Variants in OTUD6B observed in about 807,000 individuals in gnomAD.
OTUD6B encodes the protein deubiquitinase OTUD6B.
In OTUD6B, 41 loss-of-function variants were observed where a neutral mutation model predicts 36.9. The observed-to-expected ratio is 1.11, with a 90% CI of 0.87 to 1.44. OTUD6B has a LOEUF of 1.44. Ranked by LOEUF, OTUD6B falls within the 40% of genes most tolerant of loss-of-function variation. The pLI, the probability that OTUD6B is intolerant of heterozygous loss-of-function variation, is 0.00. For missense variants in OTUD6B, 356 were observed against 344.8 expected (o/e 1.03, Z -0.26); for synonymous variants, 114 against 114.2 (o/e 1.00, Z 0.01).
At chr8:91,077,314 A>G (rs1269159410) in intron 3 of OTUD6B, among the ~76,000 whole-genome samples, 1 of 151,792 alleles carries the variant, frequency 6.6e-6, no homozygotes, top group Non-Finnish European at 1.5e-5. Flanking sequence ...CACTATAAAT[A>G]CTTTGTGTAT....
chr8:91,071,556 G>C (rs1446463199), intron 2 of OTUD6B, among the ~76,000 whole-genome samples: 1 of 152,140 alleles, frequency 6.6e-6, no homozygotes, highest in Non-Finnish European at 1.5e-5. Flanking sequence ...CACCATGTTA[G>C]CCAAGACGGT....
At chr8:91,083,103 A>C (rs540139332) in intron 5 of OTUD6B, among the ~76,000 whole-genome samples, 117 of 152,236 alleles carry the variant, frequency 7.7e-4, no homozygotes, top group African/African-American at 2.7e-3. Flanking sequence ...ATTGTATGGT[A>C]TGAAATTACT....
intron 2 of OTUD6B, among the ~76,000 whole-genome samples, chr8:91,072,542 A>T (rs910185865): frequency 2.0e-5 from 3 of 152,336 alleles, no homozygotes; most frequent in South Asian, 2.1e-4. Context: ...TGACAAGTAC[A>T]GCTTGTCTGT....
intron 4 of OTUD6B, chr8:91,078,944 T>G (rs1007353078): frequency 4.1e-6 from 1 of 241,924 alleles, no homozygotes; most frequent in African/African-American, 2.3e-5. Flanking sequence ...TTGAAAAAAA[T>G]GTAAGTTCTT....
At position 91,076,848 on chromosome 8, in the gene OTUD6B, A is replaced by C; in HGVS notation, c.316-1508A>C. On this transcript the variant is annotated intron_variant, in intron 3 of 6. Coordinates refer to ENST00000404789, the MANE Select transcript of OTUD6B (RefSeq NM_016023.5). ...TCCACAGTTCTAGGTACACAGTGAA[A>C]TAAATTTGTTCCTATTACTTATACA... The C allele has an allele frequency of 6.0e-6, 4 of 662,480 alleles. No homozygotes were observed. The Admixed American group carries it at 8.9e-5, about 15-fold the overall frequency. 41.0% of individuals were successfully genotyped at this position (662,480 alleles called of 1,614,324 possible).
At chr8:91,077,648 T>A (rs1229424259) in intron 3 of OTUD6B, among the ~76,000 whole-genome samples, 5 of 151,988 alleles carry the variant, frequency 3.3e-5, no homozygotes, top group Non-Finnish European at 5.9e-5. Flanking sequence ...GACATTTGCA[T>A]AAGGAAAGCA....
chr8:91,072,268 T>A (rs1378317705), intron 2 of OTUD6B, among the ~76,000 whole-genome samples: 1 of 152,200 alleles, frequency 6.6e-6, no homozygotes, highest in African/African-American at 2.4e-5. Context: ...GAAACAGGGT[T>A]AGAGAGATTA....
At chr8:91,076,062 A>C (rs1203645627) in intron 3 of OTUD6B, among the ~76,000 whole-genome samples, 2 of 152,096 alleles carry the variant, frequency 1.3e-5, no homozygotes, top group Non-Finnish European at 2.9e-5. Flanking sequence ...TGAGGGCTGG[A>C]ATGAGATTGA....
In OTUD6B at chr8:91,071,135, C is replaced by T. The variant is rs1391005864; in HGVS notation, c.83-3C>T. 3 of 1,611,540 alleles carry T rather than the reference C, an allele frequency of 1.9e-6. No homozygotes were observed. In the African/African-American group the frequency reaches 4.0e-5, roughly 22 times the overall value. On this transcript the variant is annotated splice_polypyrimidine_tract_variant and splice_region_variant and intron_variant, in intron 1 of 6. Coordinates refer to ENST00000404789, the MANE Select transcript of OTUD6B (RefSeq NM_016023.5). ...TGACTTAATGATTTTAATGGCTTTTCAGCCAAAATTCAGGGCATGAAGAAT... is the reference window on the plus strand; with the variant it reads ...TGACTTAATGATTTTAATGGCTTTTTAGCCAAAATTCAGGGCATGAAGAAT...
intron 4 of OTUD6B, chr8:91,078,878 T>C (rs1284923414): frequency 2.4e-6 from 1 of 415,114 alleles, no homozygotes; most frequent in Non-Finnish European, 4.3e-6. Context: ...AGTTATTTTG[T>C]AATTATAATA....
chr8:91,075,643 A>G (rs1187851418), intron 3 of OTUD6B, among the ~76,000 whole-genome samples: 3 of 152,094 alleles, frequency 2.0e-5, no homozygotes, highest in African/African-American at 4.8e-5. Flanking sequence ...AGCTGCTTTA[A>G]CACTTGGTAG....
rs2130420930 is a variant in OTUD6B, at chr8:91,070,472, G to A, written c.82+6G>A. ...AGAGAAGAAGGAGTTGCAAGGTGAG[G>A]CGGAAGGAAGTGGGAATCTGGAAGC... On this transcript the variant is annotated splice_donor_region_variant and intron_variant, in intron 1 of 6. Transcript: ENST00000404789. The A allele has an allele frequency of 6.4e-7, 1 of 1,559,782 alleles. No homozygotes were observed. The highest frequency in any genetic ancestry group is 8.7e-7 in the Non-Finnish European group (1 of 1,151,720).
chr8:91,071,126 A>G lies in OTUD6B; in HGVS notation c.83-12A>G, dbSNP rs774015125. 9 of 1,611,470 alleles carry G rather than the reference A, an allele frequency of 5.6e-6. No individual in the cohort carries two copies. In the Admixed American group the frequency reaches 1.0e-4, roughly 18 times the overall value. On this transcript the variant is annotated splice_polypyrimidine_tract_variant and intron_variant, in intron 1 of 6. Transcript: ENST00000404789. ...CTGCGTGTCTGACTTAATGATTTTA[A>G]TGGCTTTTCAGCCAAAATTCAGGGC...
At position 91,086,718 on chromosome 8, in the gene OTUD6B, A is replaced by G. The variant is rs549410847; in HGVS notation, c.*1850A>G. On this transcript the variant is annotated 3_prime_UTR_variant, in exon 7 of 7. Transcript: ENST00000404789. ...GTTATATTTTTAATTTAAGTGGCCAATGTGGTTATGAACAAGATTTGTATG... is the reference window on the plus strand; with the variant it reads ...GTTATATTTTTAATTTAAGTGGCCAGTGTGGTTATGAACAAGATTTGTATG... 3.6e-4 allele frequency: 55 copies of G among 152,142 alleles called. No homozygotes were observed. In the Middle Eastern group the frequency reaches 0.01, roughly 28 times the overall value. The allele number at this position is 152,142 out of a possible 1,614,324, so 9.4% of individuals were successfully genotyped here. A position where few individuals can be genotyped will look rare whatever the true frequency, so the allele number is the denominator to read the frequency against.
At chr8:91,077,532 C>G (rs374489191) in intron 3 of OTUD6B, among the ~76,000 whole-genome samples, 1 of 151,828 alleles carries the variant, frequency 6.6e-6, no homozygotes, top group Non-Finnish European at 1.5e-5. Flanking sequence ...CTTTCTTCTT[C>G]CCCAACCTTC....
Position 91,072,404 on chromosome 8 carries a change from T to A in OTUD6B, c.234+1115T>A, listed in dbSNP as rs143744291. On this transcript the variant is annotated intron_variant, in intron 2 of 6. Transcript: ENST00000404789. ...GCTTTGTATAGTGTGGTATTTATTGTATGGGTTTTGGATATGAAGGGTCAT... is the reference window on the plus strand; with the variant it reads ...GCTTTGTATAGTGTGGTATTTATTGAATGGGTTTTGGATATGAAGGGTCAT... Among the ~76,000 whole-genome samples, 659 of 152,306 alleles carry A rather than the reference T, an allele frequency of 4.3e-3. 1 individual carries two copies. The highest frequency in any genetic ancestry group is 0.015 in the African/African-American group (621 of 41,558).
intron 1 of OTUD6B, 136 bp from the exon 2 acceptor site, chr8:91,070,998 GCTGC>G (rs917638114): frequency 1.8e-5 from 25 of 1,389,032 alleles, no homozygotes; most frequent in Non-Finnish European, 2.2e-5. Context: ...TCTCTCTGTA[GCTGC>G]CTGTTACGTG....
chr8:91,084,742 C>A (rs1812974241), intron 6 of OTUD6B, 42 bp from the exon 7 acceptor site: 2 of 1,380,258 alleles, frequency 1.4e-6, no homozygotes, highest in Admixed American at 2.9e-5. Context: ...AGAAAAATTG[C>A]TTTCATCAAA....
chr8:91,084,902 A>G lies in OTUD6B; in HGVS notation c.*34A>G, dbSNP rs1333512504. On this transcript the variant is annotated 3_prime_UTR_variant, in exon 7 of 7. Coordinates refer to ENST00000404789, the MANE Select transcript of OTUD6B (RefSeq NM_016023.5). ...ATGTTGTACAATTATGTTTTAATAC[A>G]GTGTGCTGAACTGAGTATTTCTACC... 1 of 1,122,120 alleles carries G rather than the reference A, an allele frequency of 8.9e-7. No homozygotes were observed. Among genetic ancestry groups the G allele is most frequent in the Non-Finnish European group, 1.3e-6 (1 of 772,556 alleles). The allele number at this position is 1,122,120 out of a possible 1,614,324, so 69.5% of individuals were successfully genotyped here.
Sources: allele counts gnomAD v4.1 joint callset (sites outside exome capture counted in the v4.1 genomes callset), GRCh38; gene constraint gnomAD v4.1.1; transcripts MANE v1.5; gene names NCBI Gene and HGNC (gene_info 2026-07-23, HGNC 2026-07-21).